DNM2: variants seen among roughly 807,000 people sequenced by gnomAD.
DNM2 encodes dynamin-2.
A neutral mutation model predicts 99.0 loss-of-function variants in DNM2; 15 were observed. The ratio of observed to expected loss-of-function variants is 0.15; its 90% CI spans 0.10 to 0.23. The LOEUF (loss-of-function observed/expected upper bound fraction) is 0.23. DNM2 is among the 10% of genes least tolerant of loss of function. The pLI is 1.00. For synonymous variants in DNM2, 525 were observed against 481.2 expected (o/e 1.09, Z -1.19); for missense variants, 742 against 1,189.4 (o/e 0.62, Z 5.53).
rs142564533 is a variant in DNM2 at position 10,789,828 on chromosome 19, G to C, written c.992+3122G>C. On this transcript the variant is annotated intron_variant, in intron 7 of 20. Transcript: ENST00000389253. ...CAGCCTGGGCAGACAGAGCGAGACT[G>C]TATCTCAAAAATAAATAAGTAAATA... 3.4e-3 allele frequency among the ~76,000 whole-genome samples: 521 copies of C among 152,214 alleles called. 2 individuals are homozygous for C. Among genetic ancestry groups the C allele is most frequent in the African/African-American group, 0.012 (505 of 41,534 alleles).
rs368325934 is a variant in DNM2 at position 10,829,234 on chromosome 19, G to T, written c.2257G>T (p.Asp753Tyr). The T allele has an allele frequency of 1.2e-6, 2 of 1,613,838 alleles. No homozygotes were observed. Among genetic ancestry groups the T allele is most frequent in the Admixed American group, 1.7e-5 (1 of 60,014 alleles). The change falls in exon 19 of 21, where the codon GAT becomes TAT. Residue 753 changes from aspartate (D) to tyrosine (Y), a missense_variant. By Grantham distance (160) the Asp-to-Tyr change is radical (BLOSUM62 -3). This residue lies in a region of DNM2 where 187 missense variants were observed against 218.8 expected (regional missense o/e 0.85). Coordinates refer to ENST00000389253, the MANE Select transcript of DNM2 (RefSeq NM_001005361.3). ...TVSTPVPPPV[D>Y]DTWLQSASSH... The stretch of plus-strand genomic sequence containing the variant: ...GTCCACGCCTGTACCCCCGCCTGTC[G>T]ATGACACCTGGCTCCAGAGCGCCAG...
chr19:10,819,159 G>A (rs1372778248), intron 15 of DNM2, among the ~76,000 whole-genome samples: 1 of 152,136 alleles, frequency 6.6e-6, no homozygotes, highest in Non-Finnish European at 1.5e-5. Flanking sequence ...GTGCGGTGGT[G>A]CACACCTGTA....
intron 16 of DNM2, among the ~76,000 whole-genome samples, chr19:10,821,411 T>G (rs2072964348): frequency 6.6e-6 from 1 of 152,158 alleles, no homozygotes; most frequent in South Asian, 2.1e-4. Context: ...AAGTCCAGAC[T>G]TTAGTATCCC....
intron 1 of DNM2, among the ~76,000 whole-genome samples, chr19:10,735,952 C>T (rs2069507821): frequency 6.6e-6 from 1 of 152,094 alleles, no homozygotes; most frequent in Non-Finnish European, 1.5e-5. Flanking sequence ...TTCTCCAAAA[C>T]CACATATCTT....
At position 10,795,136 on chromosome 19, in the gene DNM2, G is replaced by T. The variant is rs986319794; in HGVS notation, c.1129-236G>T. Among the ~76,000 whole-genome samples, 1 of 152,144 alleles carries T rather than the reference G, an allele frequency of 6.6e-6. No homozygotes were observed. The highest frequency in any genetic ancestry group is 6.5e-5 in the Admixed American group (1 of 15,270). On this transcript the variant is annotated intron_variant, in intron 8 of 20. Transcript: ENST00000389253. This position sits in a 1 kb window ranked among gnomAD's most constrained non-coding sequence, Gnocchi z 4.2. ...GGGTCTCACTATGTTGCCCAGGCTGGTCTCAAACTCCTGGGCTCAAGCCAT... is the reference window on the plus strand; with the variant it reads ...GGGTCTCACTATGTTGCCCAGGCTGTTCTCAAACTCCTGGGCTCAAGCCAT...
intron 1 of DNM2, among the ~76,000 whole-genome samples, chr19:10,726,991 G>T (rs112897571): frequency 4.6e-5 from 7 of 152,306 alleles, no homozygotes; most frequent in African/African-American, 1.7e-4. Flanking sequence ...AGCTGCACAA[G>T]ACCTGTTAGG....
At position 10,811,862 on chromosome 19, in the gene DNM2, C is replaced by T. The variant is rs778980738; in HGVS notation, c.1558-402C>T. ...TTGGGGAGGGCCCCTGGGCTCACAC[C>T]TTTGACCCTAGCCCTCTGTGTGGAT... On this transcript the variant is annotated intron_variant, in intron 14 of 20. Coordinates refer to ENST00000389253, the MANE Select transcript of DNM2 (RefSeq NM_001005361.3). This position sits in a 1 kb window ranked among gnomAD's most constrained non-coding sequence, Gnocchi z 5.4. 7 of 504,306 alleles carry T rather than the reference C, an allele frequency of 1.4e-5. No homozygotes were observed. Among genetic ancestry groups the T allele is most frequent in the Non-Finnish European group, 2.8e-5 (7 of 253,438 alleles). The allele number at this position is 504,306 out of a possible 1,614,324, so 31.2% of individuals were successfully genotyped here. A position where few individuals can be genotyped will look rare whatever the true frequency, so the allele number is the denominator to read the frequency against.
At chr19:10,814,065 G>A (rs745987480) in intron 15 of DNM2, among the ~76,000 whole-genome samples, 1 of 152,136 alleles carries the variant, frequency 6.6e-6, no homozygotes, top group African/African-American at 2.4e-5. Flanking sequence ...GGGGGGCTGA[G>A]GCAGGAGAAT....
intron 14 of DNM2, chr19:10,809,025 C>A (rs569476056): frequency 6.2e-6 from 1 of 162,160 alleles, no homozygotes; most frequent in East Asian, 1.8e-4. Flanking sequence ...AGAAATCTTG[C>A]CCTCTTGTGC....
In DNM2 at chr19:10,795,842, T is replaced by C. The variant is rs1255878954; in HGVS notation, c.1196+403T>C. On this transcript the variant is annotated intron_variant, in intron 9 of 20. Coordinates refer to ENST00000389253, the MANE Select transcript of DNM2 (RefSeq NM_001005361.3). This position sits in a 1 kb window ranked among gnomAD's most constrained non-coding sequence, Gnocchi z 4.2. Reference sequence around the variant, plus strand: ...GTGAGCCTCTTGGGTCCCCTCCTTATTCTAACAAAGGTAGTTGCTCCAGGT... The same window carrying C: ...GTGAGCCTCTTGGGTCCCCTCCTTACTCTAACAAAGGTAGTTGCTCCAGGT... The C allele has an allele frequency of 2.9e-6, 2 of 685,174 alleles. No individual in the cohort carries two copies. Among genetic ancestry groups the C allele is most frequent in the African/African-American group, 1.8e-5 (1 of 55,990 alleles). The allele number at this position is 685,174 out of a possible 1,614,324, so 42.4% of individuals were successfully genotyped here.
At chr19:10,787,123 C>T (rs1011539573) in intron 7 of DNM2, among the ~76,000 whole-genome samples, 1 of 151,180 alleles carries the variant, frequency 6.6e-6, no homozygotes, top group African/African-American at 2.4e-5. Flanking sequence ...CACCTGAGGT[C>T]GGGAGTTCGA....
chr19:10,746,086 G>A (rs2069955861), intron 1 of DNM2, among the ~76,000 whole-genome samples: 1 of 152,102 alleles, frequency 6.6e-6, no homozygotes. Context: ...AGCCTCCTGA[G>A]CAGCTAGGAG....
In DNM2 at chr19:10,831,457, G is replaced by C; in HGVS notation, c.*410G>C. 2.0e-6 allele frequency: 2 copies of C among 1,000,228 alleles called. No individual in the cohort carries two copies. The highest frequency in any genetic ancestry group is 2.4e-6 in the Non-Finnish European group (2 of 839,708). 62.0% of individuals were successfully genotyped at this position (1,000,228 alleles called of 1,614,324 possible). ...CGCCTACATCCCCAGGCCTTGCTGGGGTGCAGGGGTATATCAACTTCCCAT... is the reference window on the plus strand; with the variant it reads ...CGCCTACATCCCCAGGCCTTGCTGGCGTGCAGGGGTATATCAACTTCCCAT... On this transcript the variant is annotated 3_prime_UTR_variant, in exon 21 of 21. Coordinates refer to ENST00000389253, the MANE Select transcript of DNM2 (RefSeq NM_001005361.3). This position sits in a 1 kb window ranked among gnomAD's most constrained non-coding sequence, Gnocchi z 4.3.
chr19:10,819,899 C>T (rs2072918393), intron 15 of DNM2, 81 bp from the exon 16 acceptor site: 14 of 1,305,396 alleles, frequency 1.1e-5, no homozygotes, highest in South Asian at 2.4e-5. Flanking sequence ...CTGGTGGTGG[C>T]GCATGCTACA....
At chr19:10,750,729 G>A (rs898290145) in intron 1 of DNM2, among the ~76,000 whole-genome samples, 2 of 151,894 alleles carry the variant, frequency 1.3e-5, no homozygotes, top group Admixed American at 1.3e-4. Flanking sequence ...CCAGGAGTTC[G>A]AGACCAGCCT....
At chr19:10,725,522 G>C (rs2069085952) in intron 1 of DNM2, among the ~76,000 whole-genome samples, 1 of 151,992 alleles carries the variant, frequency 6.6e-6, no homozygotes. Flanking sequence ...GGGCCTGCTG[G>C]AATTGGTACA....
rs545436079 is a variant in DNM2 at position 10,831,268 on chromosome 19, G to GT, written c.*222dup. 504 of 1,316,828 alleles carry GT rather than the reference G, an allele frequency of 3.8e-4. 3 individuals carry two copies. In the African/African-American group the frequency reaches 7.3e-3, roughly 19 times the overall value. 81.6% of individuals were successfully genotyped at this position (1,316,828 alleles called of 1,614,324 possible). A position where few individuals can be genotyped will look rare whatever the true frequency, so the allele number is the denominator to read the frequency against. On this transcript the variant is annotated 3_prime_UTR_variant, in exon 21 of 21. Coordinates refer to ENST00000389253, the MANE Select transcript of DNM2 (RefSeq NM_001005361.3). This position sits in a 1 kb window ranked among gnomAD's most constrained non-coding sequence, Gnocchi z 4.3. Reference sequence around the variant, plus strand: ...GGAGCTCCAGGCAGGGGGCGCTGGGGTGTTGCACTTTGGGGGATGGAGTCT... The same window carrying GT: ...GGAGCTCCAGGCAGGGGGCGCTGGGGTTGTTGCACTTTGGGGGATGGAGTCT...
intron 11 of DNM2, 141 bp from the exon 12 acceptor site, chr19:10,802,147 G>A (rs546751073): frequency 1.6e-5 from 13 of 805,136 alleles, no homozygotes; most frequent in African/African-American, 3.4e-5. Flanking sequence ...TGGGGAGTGC[G>A]ACGCCAGCCC....
Position 10,812,164 on chromosome 19 carries a change from G to A in DNM2, c.1558-100G>A, listed in dbSNP as rs762567032. ...TTGGGGCTGGAGGTGTCTCTATTGC[G>A]GTCCCTGGCTTCCCACTGAGCTGTG... is the stretch of plus-strand genomic sequence containing the variant. On this transcript the variant is annotated intron_variant, in intron 14 of 20. Transcript: ENST00000389253. This position sits in a 1 kb window ranked among gnomAD's most constrained non-coding sequence, Gnocchi z 4.0. 8 of 984,796 alleles carry A rather than the reference G, an allele frequency of 8.1e-6. No homozygotes were observed. The highest frequency in any genetic ancestry group is 1.4e-5 in the South Asian group (1 of 73,022). The allele number at this position is 984,796 out of a possible 1,614,324, so 61.0% of individuals were successfully genotyped here. A position where few individuals can be genotyped will look rare whatever the true frequency, so the allele number is the denominator to read the frequency against.
Sources: allele counts gnomAD v4.1 joint callset (sites outside exome capture counted in the v4.1 genomes callset), GRCh38; gene constraint gnomAD v4.1.1; regional missense constraint gnomAD v4.1.1; non-coding constraint Gnocchi (gnomAD v3.1); transcripts MANE v1.5; gene names NCBI Gene and HGNC (gene_info 2026-07-23, HGNC 2026-07-21).